AGL: variants seen among roughly 807,000 people sequenced by gnomAD.
AGL encodes the protein amylo-alpha-1,6-glucosidase and 4-alpha-glucanotransferase.
Under a neutral mutation model 199.3 loss-of-function variants are expected in AGL, and 128 were observed. That is an observed-to-expected ratio of 0.64 (90% CI 0.56 to 0.74). The LOEUF is 0.74. Ranked by LOEUF, AGL falls within the 30% of genes least tolerant of loss-of-function variation. AGL has a pLI of 0.00. For synonymous variants in AGL, 584 were observed against 594.7 expected, an observed-to-expected ratio of 0.98 and a Z score of 0.26; for missense variants, 1,809 against 1,820.8, an observed-to-expected ratio of 0.99 and a Z score of 0.12.
chr1:99,890,398 T>TTTTTTTTTTTTTTTTTTTTTTTTG (rs1652785170), intron 21 of AGL, among the ~76,000 whole-genome samples: 1 of 151,864 alleles, frequency 6.6e-6, no homozygotes, highest in Non-Finnish European at 1.5e-5. Flanking sequence ...CTTTATGTTT[T>TTTTTTTTTTTTTTTTTTTTTTTTG]AAGCTTTCTT....
chr1:99,872,502 A>G (rs894728101), intron 7 of AGL, among the ~76,000 whole-genome samples: 1 of 151,152 alleles, frequency 6.6e-6, no homozygotes, highest in Non-Finnish European at 1.5e-5. Context: ...TTTGTCAATT[A>G]GGCAAAACAT....
chr1:99,903,586 C>T (rs979612397), intron 27 of AGL, among the ~76,000 whole-genome samples: 31 of 152,162 alleles, frequency 2.0e-4, no homozygotes, highest in African/African-American at 6.5e-4. Context: ...AATACTGCTG[C>T]AATGAACATA....
At chr1:99,877,571 A>G (rs1240614301) in intron 11 of AGL, 70 bp from the exon 12 acceptor site, 15 of 1,405,906 alleles carry the variant, frequency 1.1e-5, no homozygotes, top group Non-Finnish European at 1.5e-5. Flanking sequence ...TTTAAAAACC[A>G]GTGTTTCCTT....
At chr1:99,914,288 C>G (rs530471172) in intron 30 of AGL, among the ~76,000 whole-genome samples, 4 of 152,332 alleles carry the variant, frequency 2.6e-5, no homozygotes, top group African/African-American at 9.6e-5. Flanking sequence ...ACCAGTGCCT[C>G]AGCACACTAG....
At chr1:99,921,241 TGA>T (rs1037027467) in intron 33 of AGL, among the ~76,000 whole-genome samples, 1 of 152,168 alleles carries the variant, frequency 6.6e-6, no homozygotes, top group African/African-American at 2.4e-5. Flanking sequence ...AAATTATGCC[TGA>T]GAGAGTATTT....
At chr1:99,911,157 A>G (rs1441187091) in intron 28 of AGL, among the ~76,000 whole-genome samples, 1 of 152,204 alleles carries the variant, frequency 6.6e-6, no homozygotes, top group Non-Finnish European at 1.5e-5. Context: ...ATTGATGTAA[A>G]CATTTCATTA....
chr1:99,908,210 ATT>A (rs34057901), intron 27 of AGL, among the ~76,000 whole-genome samples: 28 of 147,262 alleles, frequency 1.9e-4, no homozygotes, highest in South Asian at 2.2e-4. Context: ...GTCCAAGTCC[ATT>A]TTTTTTTTTT....
At chr1:99,862,992 T>C (rs1331203813) in intron 4 of AGL, among the ~76,000 whole-genome samples, 1 of 152,064 alleles carries the variant, frequency 6.6e-6, no homozygotes, top group Non-Finnish European at 1.5e-5. Flanking sequence ...TCACGTAGGC[T>C]GCAATGGTGC....
At chr1:99,899,681 C>G (rs938122224) in intron 25 of AGL, among the ~76,000 whole-genome samples, 1 of 151,344 alleles carries the variant, frequency 6.6e-6, no homozygotes, top group Non-Finnish European at 1.5e-5. Context: ...AGTGCCGTGG[C>G]GCAATCTCCG....
intron 26 of AGL, 74 bp from the exon 27 acceptor site, chr1:99,902,609 C>T: frequency 8.6e-7 from 1 of 1,165,526 alleles, no homozygotes; most frequent in Non-Finnish European, 1.3e-6. Context: ...CACATTACTT[C>T]AGTTGTCGGA....
intron 8 of AGL, 75 bp from the exon 9 acceptor site, chr1:99,875,079 T>C: frequency 7.5e-7 from 1 of 1,342,274 alleles, no homozygotes; most frequent in Non-Finnish European, 1.1e-6. Context: ...TTCTGTGACC[T>C]TTGTTAGAAA....
intron 7 of AGL, among the ~76,000 whole-genome samples, chr1:99,872,239 G>T (rs951880070): frequency 2.6e-5 from 4 of 152,100 alleles, no homozygotes; most frequent in African/African-American, 9.7e-5. Flanking sequence ...TAGACATGAG[G>T]ATTCAGTGGT....
chr1:99,874,937 T>A, intron 8 of AGL, 127 bp downstream of exon 8: 1 of 1,254,226 alleles, frequency 8.0e-7, no homozygotes, highest in South Asian at 1.3e-5. Flanking sequence ...ACTGTAATTC[T>A]ACTATTTCAG....
chr1:99,861,441 T>A, intron 2 of AGL, 62 bp from the exon 3 acceptor site: 1 of 1,608,140 alleles, frequency 6.2e-7, no homozygotes, highest in South Asian at 1.1e-5. Context: ...ATAAAACATC[T>A]GTTTTTCAAT....
At chr1:99,909,374 G>A (rs12754517) in intron 27 of AGL, among the ~76,000 whole-genome samples, 59,316 of 151,890 alleles carry the variant, frequency 0.39, 12,367 homozygotes, top group East Asian at 0.56. Flanking sequence ...AGGAAGGGGA[G>A]CACTGCCTTA....
chr1:99,910,653 T>G (rs1654676224), intron 27 of AGL, 59 bp from the exon 28 acceptor site: 6 of 885,400 alleles, frequency 6.8e-6, no homozygotes, highest in South Asian at 3.2e-5. Context: ...TTTAAAATAT[T>G]TGTATATACT....
chr1:99,909,185 T>C (rs950841727), intron 27 of AGL, among the ~76,000 whole-genome samples: 20 of 151,978 alleles, frequency 1.3e-4, no homozygotes, highest in African/African-American at 4.8e-4. Flanking sequence ...ACGACCTGCT[T>C]CCACTGGGGG....
chr1:99,861,350 A>G (rs1650015666), intron 2 of AGL, 153 bp from the exon 3 acceptor site: 1 of 1,513,578 alleles, frequency 6.6e-7, no homozygotes, highest in South Asian at 1.3e-5. Context: ...AAATTGGAAT[A>G]CAAAGTAGTG....
At chr1:99,898,247 C>G (rs1257106684) in intron 25 of AGL, among the ~76,000 whole-genome samples, 2 of 152,098 alleles carry the variant, frequency 1.3e-5, no homozygotes, top group African/African-American at 4.8e-5. Context: ...CGGGTTTCAC[C>G]ATGTTAGCCA....
Sources: allele counts gnomAD v4.1 joint callset (sites outside exome capture counted in the v4.1 genomes callset), GRCh38; gene constraint gnomAD v4.1.1; transcripts MANE v1.5; gene names NCBI Gene and HGNC (gene_info 2026-07-23, HGNC 2026-07-21).